PRKN: variants seen among roughly 807,000 people sequenced by gnomAD.
The protein encoded by PRKN is parkin RBR E3 ubiquitin protein ligase, also known as E3 ubiquitin-protein ligase parkin.
A neutral mutation model predicts 59.5 loss-of-function variants in PRKN; 56 were observed. The ratio of observed to expected loss-of-function variants is 0.94; its 90% CI spans 0.76 to 1.18. PRKN has a LOEUF of 1.18. PRKN is among the 50% of genes most tolerant of loss of function. The probability of loss-of-function intolerance (pLI) is 0.00; values close to 1 mark genes in which losing one functional copy is unlikely to be tolerated. For synonymous variants in PRKN, 250 were observed against 222.1 expected, an observed-to-expected ratio of 1.13 and a Z score of -1.12; for missense variants, 657 against 596.4, an observed-to-expected ratio of 1.10 and a Z score of -1.06.
At chr6:161,574,980 T>C (rs79623114) in intron 7 of PRKN, among the ~76,000 whole-genome samples, 2,926 of 152,272 alleles carry the variant, frequency 0.019, 112 homozygotes, top group African/African-American at 0.066. Context: ...CTGCTGTCCT[T>C]GGAAATTTAA....
intron 4 of PRKN, among the ~76,000 whole-genome samples, chr6:162,132,560 C>G (rs974032754): frequency 1.3e-5 from 2 of 152,112 alleles, no homozygotes; most frequent in African/African-American, 4.8e-5. Context: ...GCAATCATCA[C>G]TGTTGAAATG....
chr6:161,506,184 T>C (rs560892684), intron 9 of PRKN, among the ~76,000 whole-genome samples: 156 of 152,086 alleles, frequency 1.0e-3, no homozygotes, highest in Non-Finnish European at 1.7e-3. Flanking sequence ...CATTTGTTTG[T>C]ATCCTCTTTA....
At chr6:161,492,693 G>T (rs912925511) in intron 9 of PRKN, among the ~76,000 whole-genome samples, 2 of 152,240 alleles carry the variant, frequency 1.3e-5, no homozygotes, top group Admixed American at 6.5e-5. Context: ...CTAAAACAAG[G>T]ATTATACATG....
At chr6:161,421,325 A>G (rs1788097445) in intron 9 of PRKN, among the ~76,000 whole-genome samples, 1 of 152,200 alleles carries the variant, frequency 6.6e-6, no homozygotes, top group African/African-American at 2.4e-5. Context: ...TCCTTTCTAG[A>G]CAATTAATGA....
rs73782872 is a variant in PRKN, at chr6:161,413,665, G to A, written c.1084-26788C>T. Among the ~76,000 whole-genome samples the A allele has an allele frequency of 0.03, 4,631 of 152,252 alleles. 237 individuals carry two copies. Among genetic ancestry groups the A allele is most frequent in the African/African-American group, 0.11 (4,401 of 41,520 alleles). ...CCGGGTCCCAGGGACACCTGAGCAC[G>A]TCTCAGGGCGCCTTCTGTTCACAGC... On this transcript the variant is annotated intron_variant, in intron 9 of 11. Transcript: ENST00000366898. The surrounding 1 kb of genome is among the most constrained non-coding windows in gnomAD (Gnocchi z 4.4).
chr6:161,614,164 G>C (rs1332192294), intron 7 of PRKN, among the ~76,000 whole-genome samples: 4 of 152,110 alleles, frequency 2.6e-5, no homozygotes, highest in Non-Finnish European at 5.9e-5. Flanking sequence ...CTCTCTGGTT[G>C]CTTTTAAGGT....
At position 161,646,007 on chromosome 6, in the gene PRKN, C is replaced by A. The variant is rs571977379; in HGVS notation, c.872-76591G>T. Among the ~76,000 whole-genome samples, 674 of 106,646 alleles carry A rather than the reference C, an allele frequency of 6.3e-3. 33 individuals carry two copies. Among genetic ancestry groups the A allele is most frequent in the Non-Finnish European group, 0.011 (538 of 48,484 alleles). The allele number at this position is 106,646 out of a possible 152,430, so 70.0% of individuals were successfully genotyped here. ...TGTGCGTGCGTGGCGGAGGAGGTGG[C>A]GTATCAGTGACAGTGGTGACTGCGT... On this transcript the variant is annotated intron_variant, in intron 7 of 11. Coordinates refer to ENST00000366898, the MANE Select transcript of PRKN (RefSeq NM_004562.3).
chr6:162,142,363 C>G (rs1006582124), intron 4 of PRKN, among the ~76,000 whole-genome samples: 2 of 152,142 alleles, frequency 1.3e-5, no homozygotes, highest in African/African-American at 4.8e-5. Flanking sequence ...CTGCCAGGTA[C>G]TTGATGTATG....
At chr6:162,077,807 C>T (rs1778891151) in intron 4 of PRKN, among the ~76,000 whole-genome samples, 1 of 151,838 alleles carries the variant, frequency 6.6e-6, no homozygotes, top group Non-Finnish European at 1.5e-5. Context: ...CAAGACCAGC[C>T]TGGCCAATGT....
intron 6 of PRKN, among the ~76,000 whole-genome samples, chr6:161,793,604 C>CTATA (rs778325657): frequency 1.3e-5 from 2 of 151,448 alleles, no homozygotes; most frequent in Non-Finnish European, 2.9e-5. Flanking sequence ...AGGTCACAGT[C>CTATA]TATAGAGTTG....
At chr6:162,111,772 T>C (rs1486949562) in intron 4 of PRKN, among the ~76,000 whole-genome samples, 1 of 152,146 alleles carries the variant, frequency 6.6e-6, no homozygotes, top group Non-Finnish European at 1.5e-5. Context: ...TTTCTGATGA[T>C]TGAATTAAAT....
chr6:161,842,977 A>C lies in PRKN; in HGVS notation c.735-57069T>G, dbSNP rs55648127. On this transcript the variant is annotated intron_variant, in intron 6 of 11. Coordinates refer to ENST00000366898, the MANE Select transcript of PRKN (RefSeq NM_004562.3). Reference sequence around the variant, plus strand: ...GTCAGCTATTTCCTCTGCTGAAACGAACTTTCATCTTTAATCTACTCAGGA... The same window carrying C: ...GTCAGCTATTTCCTCTGCTGAAACGCACTTTCATCTTTAATCTACTCAGGA... Among the ~76,000 whole-genome samples the C allele has an allele frequency of 0.011, 1,705 of 152,302 alleles. 53 individuals carry two copies. The East Asian group carries it at 0.13, about 11-fold the overall frequency.
At chr6:161,763,376 G>C (rs1789284739) in intron 7 of PRKN, among the ~76,000 whole-genome samples, 1 of 151,646 alleles carries the variant, frequency 6.6e-6, no homozygotes. Context: ...CCTGTCCCTG[G>C]GAAACAGGAG....
At chr6:162,103,826 G>A (rs1454453119) in intron 4 of PRKN, among the ~76,000 whole-genome samples, 1 of 152,204 alleles carries the variant, frequency 6.6e-6, no homozygotes, top group East Asian at 1.9e-4. Flanking sequence ...TCAGTAAAAT[G>A]CCTCTGCCAG....
At chr6:162,016,930 G>T (rs1274502529) in intron 5 of PRKN, among the ~76,000 whole-genome samples, 4 of 152,032 alleles carry the variant, frequency 2.6e-5, no homozygotes, top group East Asian at 1.9e-4. Context: ...TCCACCTTCC[G>T]AAACCTCACA....
intron 4 of PRKN, among the ~76,000 whole-genome samples, chr6:162,083,466 G>A (rs890757940): frequency 6.6e-6 from 1 of 152,010 alleles, no homozygotes; most frequent in African/African-American, 2.4e-5. Context: ...AATAAAGTGA[G>A]GTGCGCCTGT....
intron 7 of PRKN, among the ~76,000 whole-genome samples, chr6:161,743,150 T>C (rs1211869432): frequency 6.6e-6 from 1 of 151,716 alleles, no homozygotes; most frequent in South Asian, 2.1e-4. Flanking sequence ...GTGGAAATTA[T>C]TCTTCCTGCT....
intron 10 of PRKN, among the ~76,000 whole-genome samples, chr6:161,381,418 C>T (rs970154645): frequency 6.6e-6 from 1 of 152,182 alleles, no homozygotes; most frequent in Non-Finnish European, 1.5e-5. Context: ...TGGACAAAAT[C>T]TATCACAAAA....
intron 2 of PRKN, among the ~76,000 whole-genome samples, chr6:162,388,548 T>G (rs1786972030): frequency 6.6e-6 from 1 of 152,108 alleles, no homozygotes; most frequent in South Asian, 2.1e-4. Flanking sequence ...GGTCAAAAGG[T>G]GACTGACTCC....
Sources: allele counts gnomAD v4.1 joint callset (sites outside exome capture counted in the v4.1 genomes callset), GRCh38; gene constraint gnomAD v4.1.1; non-coding constraint Gnocchi (gnomAD v3.1); transcripts MANE v1.5; gene names NCBI Gene and HGNC (gene_info 2026-07-23, HGNC 2026-07-21).